Variants in NDUFS1 observed in about 807,000 individuals in gnomAD.
NDUFS1 encodes NADH:ubiquinone oxidoreductase core subunit S1, also known as NADH-ubiquinone oxidoreductase 75 kDa subunit, mitochondrial.
NDUFS1 carries 61 observed loss-of-function variants against 84.4 expected under a neutral mutation model. The ratio of observed to expected loss-of-function variants is 0.72; its 90% CI spans 0.59 to 0.89. The LOEUF is 0.89. Ranked by LOEUF, NDUFS1 falls within the 40% of genes least tolerant of loss-of-function variation. NDUFS1 has a pLI of 0.00. For synonymous variants in NDUFS1, 275 were observed against 290.0 expected (o/e 0.95, Z 0.53); for missense variants, 891 against 890.0 (o/e 1.00, Z -0.01).
At chr2:206,145,097 A>C (rs994024092) in intron 8 of NDUFS1, 71 bp from the exon 9 acceptor site, 8 of 1,482,316 alleles carry the variant, frequency 5.4e-6, no homozygotes, top group Middle Eastern at 3.6e-4. Context: ...CTGGTTTACC[A>C]AAAAATTTTT....
intron 8 of NDUFS1, among the ~76,000 whole-genome samples, chr2:206,145,734 C>T (rs1692129204): frequency 6.6e-6 from 1 of 152,194 alleles, no homozygotes; most frequent in Admixed American, 6.5e-5. Context: ...CTATGCTCCT[C>T]TCCACCCCCT....
intron 12 of NDUFS1, among the ~76,000 whole-genome samples, chr2:206,141,246 C>A (rs1235373006): frequency 1.3e-5 from 2 of 151,916 alleles, no homozygotes; most frequent in African/African-American, 4.8e-5. Flanking sequence ...AAGGCTCCAT[C>A]TCTAAAAAAT....
intron 1 of NDUFS1, among the ~76,000 whole-genome samples, chr2:206,153,941 TA>T (rs989152884): frequency 4.0e-5 from 6 of 151,480 alleles, no homozygotes; most frequent in Non-Finnish European, 7.4e-5. Context: ...TTTTGCCATT[TA>T]AAAAAAAATG....
rs774865924 is a variant in NDUFS1, at chr2:206,147,830, C to T, written c.343G>A (p.Gly115Ser). The T allele has an allele frequency of 1.2e-6, 2 of 1,613,188 alleles. No individual in the cohort carries two copies. Among genetic ancestry groups the T allele is most frequent in the South Asian group, 2.2e-5 (2 of 91,048 alleles). Residue 115 changes from glycine to serine, a missense_variant, in exon 6 of 19, where the codon GGT (glycine) becomes AGT (serine). By Grantham distance (56) the Gly-to-Ser change is moderately conservative. Coordinates refer to ENST00000233190, the MANE Select transcript of NDUFS1 (RefSeq NM_005006.7). Reference sequence around the variant, plus strand: ...TTTGCTAATAAGAACTCCATCACACCTTCCCTGTATGAAAATTGTAACATA... The same window carrying T: ...TTTGCTAATAAGAACTCCATCACACTTTCCCTGTATGAAAATTGTAACATA... ...NSEKSKKARE[G>S]VMEFLLANHP... is the part of the protein sequence containing the mutation.
intron 12 of NDUFS1, among the ~76,000 whole-genome samples, chr2:206,138,912 T>C (rs908925768): frequency 1.3e-5 from 2 of 151,872 alleles, no homozygotes; most frequent in African/African-American, 2.4e-5. Flanking sequence ...AGGTCAGGAG[T>C]TTGAAACCAG....
At chr2:206,159,135 T>C in intron 1 of NDUFS1, 2 of 1,535,720 alleles carry the variant, frequency 1.3e-6, no homozygotes, top group Non-Finnish European at 1.7e-6. Flanking sequence ...GATCCTCATC[T>C]TCTTTTCTGC....
chr2:206,149,638 T>C (rs2105977863), intron 4 of NDUFS1, 180 bp downstream of exon 4: 1 of 612,344 alleles, frequency 1.6e-6, no homozygotes. Flanking sequence ...AAAGCACTTC[T>C]ATCTATGTGT....
rs886055501 is a variant in NDUFS1, at chr2:206,123,544, T to C, written c.*641A>G. The stretch of plus-strand genomic sequence containing the variant: ...GAAGTAGGTTTGAGTTGGTGACTTT[T>C]GCTGTGTGGCCTTGGGCAAGCTATT... On this transcript the variant is annotated 3_prime_UTR_variant, in exon 19 of 19. Coordinates refer to ENST00000233190, the MANE Select transcript of NDUFS1 (RefSeq NM_005006.7). The C allele has an allele frequency of 6.6e-6, 1 of 152,238 alleles. No homozygotes were observed. Among genetic ancestry groups the C allele is most frequent in the African/African-American group, 2.4e-5 (1 of 41,466 alleles). The allele number at this position is 152,238 out of a possible 1,614,324, so 9.4% of individuals were successfully genotyped here. A position where few individuals can be genotyped will look rare whatever the true frequency, so the allele number is the denominator to read the frequency against.
chr2:206,156,241 C>T (rs189492346), intron 1 of NDUFS1, among the ~76,000 whole-genome samples: 2,397 of 122,212 alleles, frequency 0.02, 27 homozygotes, highest in Non-Finnish European at 0.027. Context: ...CCAGCCTGGG[C>T]GACAGAGCAA....
chr2:206,157,794 T>G (rs1159055319), intron 1 of NDUFS1, among the ~76,000 whole-genome samples: 1 of 152,190 alleles, frequency 6.6e-6, no homozygotes, highest in Non-Finnish European at 1.5e-5. Flanking sequence ...TCTCTTTGGA[T>G]GGAAAATGTT....
chr2:206,137,214 A>G (rs1429081801), intron 13 of NDUFS1, among the ~76,000 whole-genome samples: 1 of 152,174 alleles, frequency 6.6e-6, no homozygotes, highest in Admixed American at 6.6e-5. Context: ...CAAGAATGAT[A>G]ATCAGAATCC....
At chr2:206,147,375 T>C (rs1224626511) in intron 7 of NDUFS1, among the ~76,000 whole-genome samples, 156 bp downstream of exon 7, 2 of 152,178 alleles carry the variant, frequency 1.3e-5, no homozygotes, top group Non-Finnish European at 2.9e-5. Flanking sequence ...TGGTACTAAA[T>C]GAAAGTGAAC....
intron 5 of NDUFS1, 82 bp downstream of exon 5, chr2:206,148,938 T>A: frequency 9.9e-7 from 1 of 1,010,624 alleles, no homozygotes; most frequent in Non-Finnish European, 1.6e-6. Context: ...ATTAAATTCT[T>A]AATCTATGGG....
At position 206,147,050 on chromosome 2, in the gene NDUFS1, G is replaced by T. The variant is rs1204251229; in HGVS notation, c.590C>A (p.Thr197Lys). 1.2e-6 allele frequency: 2 copies of T among 1,614,054 alleles called. No individual in the cohort carries two copies. The highest frequency in any genetic ancestry group is 1.7e-6 in the Non-Finnish European group (2 of 1,180,008). The change falls in exon 8 of 19, where the codon ACA (threonine) becomes AAA (lysine). Residue 197 changes from threonine (T) to lysine (K), a missense_variant. By Grantham distance (78) the Thr-to-Lys change is moderately conservative. Transcript: ENST00000233190. Reference protein sequence around the residue: ...SEIAGVDDLGTTGRGNDMQVG... With the variant: ...SEIAGVDDLGKTGRGNDMQVG... ...TTGCATATCATTTCCTCTGCCTGTTGTTCCCAAATCATCTACTCCTGCAAT... is the reference window on the plus strand; with the variant it reads ...TTGCATATCATTTCCTCTGCCTGTTTTTCCCAAATCATCTACTCCTGCAAT...
chr2:206,135,088 G>A lies in NDUFS1; in HGVS notation c.1393-1983C>T, dbSNP rs188212608. 7.2e-5 allele frequency among the ~76,000 whole-genome samples: 11 copies of A among 151,812 alleles called. No individual in the cohort carries two copies. The East Asian group carries it at 1.8e-3, about 24-fold the overall frequency. On this transcript the variant is annotated intron_variant, in intron 13 of 18. Transcript: ENST00000233190. ...GGCTGGAGTGCAGTGGCATGATCTC[G>A]GCTCACTGTGACCTCCACCTCCCAG... is the stretch of plus-strand genomic sequence containing the variant.
At chr2:206,158,962 TG>T (rs1176436875) in intron 1 of NDUFS1, 41 of 915,482 alleles carry the variant, frequency 4.5e-5, no homozygotes, top group Non-Finnish European at 6.6e-5. Context: ...TGTAAAAATC[TG>T]GGGGGAAAGG....
chr2:206,158,447 A>G (rs1024836925), intron 1 of NDUFS1, among the ~76,000 whole-genome samples: 1 of 152,176 alleles, frequency 6.6e-6, no homozygotes, highest in Admixed American at 6.5e-5. Context: ...TTCCCCCAGC[A>G]TATCATCCAT....
rs13394330 is a variant in NDUFS1, at chr2:206,152,269, C to T, written c.153+150G>A. ...ATATATGATAGCTCACTTTGAAGTGCCAAGATTTAAAATGAAATAATTTTA... is the reference window on the plus strand; with the variant it reads ...ATATATGATAGCTCACTTTGAAGTGTCAAGATTTAAAATGAAATAATTTTA... On this transcript the variant is annotated intron_variant, in intron 3 of 18. Transcript: ENST00000233190. 1.9e-5 allele frequency: 13 copies of T among 669,860 alleles called. No homozygotes were observed. In the African/African-American group the frequency reaches 2.2e-4, roughly 11 times the overall value. The allele number at this position is 669,860 out of a possible 1,614,324, so 41.5% of individuals were successfully genotyped here. A position where few individuals can be genotyped will look rare whatever the true frequency, so the allele number is the denominator to read the frequency against.
At chr2:206,130,394 G>T in intron 14 of NDUFS1, 152 bp from the exon 15 acceptor site, 1 of 1,027,156 alleles carries the variant, frequency 9.7e-7, no homozygotes, top group Non-Finnish European at 1.4e-6. Flanking sequence ...TCACTTTGTC[G>T]CCCAGGCTGG....
Sources: allele counts gnomAD v4.1 joint callset (sites outside exome capture counted in the v4.1 genomes callset), GRCh38; gene constraint gnomAD v4.1.1; transcripts MANE v1.5; gene names NCBI Gene and HGNC (gene_info 2026-07-23, HGNC 2026-07-21).